RBL1: variants seen among roughly 807,000 people sequenced by gnomAD.
RBL1 encodes the protein RB transcriptional corepressor like 1.
A neutral mutation model predicts 123.0 loss-of-function variants in RBL1; 82 were observed. That is an observed-to-expected ratio of 0.67 (90% CI 0.56 to 0.80). RBL1 has a LOEUF of 0.80. Ranked by LOEUF, RBL1 falls within the 30% of genes least tolerant of loss-of-function variation. The probability of loss-of-function intolerance (pLI) is 0.00; values close to 1 mark genes in which losing one functional copy is unlikely to be tolerated. For synonymous variants in RBL1, 405 were observed against 441.3 expected, an observed-to-expected ratio of 0.92 and a Z score of 1.03; for missense variants, 1,171 against 1,299.6, an observed-to-expected ratio of 0.90 and a Z score of 1.52.
chr20:37,093,728 A>G (rs1471509401), intron 1 of RBL1, among the ~76,000 whole-genome samples: 1 of 147,950 alleles, frequency 6.8e-6, no homozygotes, highest in Admixed American at 6.9e-5. Context: ...TGCAACCTCT[A>G]CCTCCTGGTT....
At chr20:37,049,384 T>C in intron 11 of RBL1, 1 of 725,466 alleles carries the variant, frequency 1.4e-6, no homozygotes, top group Non-Finnish European at 2.5e-6. Context: ...CAAAGACTAA[T>C]ATTTGCTGGC....
intron 2 of RBL1, among the ~76,000 whole-genome samples, chr20:37,083,917 T>G (rs1171513430): frequency 4.0e-5 from 6 of 151,738 alleles, no homozygotes; most frequent in Non-Finnish European, 7.4e-5. Context: ...ATGGATTTTT[T>G]TTTTTTTTTG....
chr20:37,063,871 G>C (rs535234740), intron 7 of RBL1, among the ~76,000 whole-genome samples: 2 of 150,076 alleles, frequency 1.3e-5, no homozygotes, highest in Admixed American at 1.3e-4. Flanking sequence ...CAAGCAGGCT[G>C]AAGTGCAGTG....
intron 2 of RBL1, among the ~76,000 whole-genome samples, chr20:37,069,227 G>A (rs1183517196): frequency 1.3e-5 from 2 of 152,244 alleles, no homozygotes; most frequent in African/African-American, 4.8e-5. Context: ...GCCTCCCAAA[G>A]TGCCAAGATT....
At chr20:37,013,357 AGATGT>A (rs2146213341) in intron 19 of RBL1, among the ~76,000 whole-genome samples, 1 of 151,678 alleles carries the variant, frequency 6.6e-6, no homozygotes, top group African/African-American at 2.4e-5. Context: ...GGGCGGTGCA[AGATGT>A]GCTTTGTTAA....
At chr20:37,045,364 C>G (rs2064804839) in intron 12 of RBL1, among the ~76,000 whole-genome samples, 1 of 152,006 alleles carries the variant, frequency 6.6e-6, no homozygotes, top group Non-Finnish European at 1.5e-5. Flanking sequence ...CCTTGGCCTC[C>G]CAAAGTGCTG....
At chr20:37,083,528 T>C (rs1466653604) in intron 2 of RBL1, among the ~76,000 whole-genome samples, 3 of 149,324 alleles carry the variant, frequency 2.0e-5, no homozygotes, top group African/African-American at 7.4e-5. Flanking sequence ...GGCTCACACC[T>C]GTAATCCTAG....
intron 1 of RBL1, among the ~76,000 whole-genome samples, chr20:37,094,018 A>G (rs2065690186): frequency 6.6e-6 from 1 of 152,180 alleles, no homozygotes; most frequent in Non-Finnish European, 1.5e-5. Flanking sequence ...TGTCCTATTC[A>G]ACTCTGCCTA....
In RBL1 at chr20:37,022,900, C is replaced by T. The variant is rs2064366412; in HGVS notation, c.2383-74G>A. The T allele has an allele frequency of 3.3e-6, 4 of 1,223,936 alleles. No homozygotes were observed. The Admixed American group carries it at 6.9e-5, about 21-fold the overall frequency. 75.8% of individuals were successfully genotyped at this position (1,223,936 alleles called of 1,614,324 possible). On this transcript the variant is annotated intron_variant, in intron 16 of 21. Coordinates refer to ENST00000373664, the MANE Select transcript of RBL1 (RefSeq NM_002895.5). The stretch of plus-strand genomic sequence containing the variant: ...CTCAAATTTTTATGTCTTACCAAGA[C>T]CAAGATTAAAAAACATAGGCTGTTG...
rs549823203 is a variant in RBL1 at position 37,021,800 on chromosome 20, C to T, written c.2559+850G>A. 4 of 200,170 alleles carry T rather than the reference C, an allele frequency of 2.0e-5. No individual in the cohort carries two copies. The South Asian group carries it at 3.0e-4, about 15-fold the overall frequency. The allele number at this position is 200,170 out of a possible 1,614,324, so 12.4% of individuals were successfully genotyped here. The stretch of plus-strand genomic sequence containing the variant: ...TTCTGCAAATCAGCAAGATACACTT[C>T]AAACACATGACTCTTGAAGCTATCA... On this transcript the variant is annotated intron_variant, in intron 17 of 21. Transcript: ENST00000373664.
intron 6 of RBL1, 49 bp from the exon 7 acceptor site, chr20:37,065,522 T>C (rs2065164581): frequency 2.8e-5 from 34 of 1,236,166 alleles, no homozygotes; most frequent in Non-Finnish European, 3.8e-5. Flanking sequence ...AGCATATTAA[T>C]ACACACACAA....
At chr20:37,013,534 C>T (rs2064199618) in intron 19 of RBL1, among the ~76,000 whole-genome samples, 1 of 151,046 alleles carries the variant, frequency 6.6e-6, no homozygotes, top group African/African-American at 2.4e-5. Context: ...CCACTATTGT[C>T]CTATGACCCT....
Position 37,026,486 on chromosome 20 carries a change from A to G in RBL1, c.2383-3660T>C, listed in dbSNP as rs192366791. ...TTTGAGAGGCCAAGACGGGTGGATCACGAGGTCAGAAGTTCAAGATCAGCC... is the reference window on the plus strand; with the variant it reads ...TTTGAGAGGCCAAGACGGGTGGATCGCGAGGTCAGAAGTTCAAGATCAGCC... On this transcript the variant is annotated intron_variant, in intron 16 of 21. Transcript: ENST00000373664. 2.6e-5 allele frequency among the ~76,000 whole-genome samples: 4 copies of G among 151,460 alleles called. No homozygotes were observed. The East Asian group carries it at 5.9e-4, about 22-fold the overall frequency.
intron 19 of RBL1, among the ~76,000 whole-genome samples, chr20:37,012,808 C>G (rs1422157543): frequency 6.6e-6 from 1 of 151,088 alleles, no homozygotes; most frequent in Non-Finnish European, 1.5e-5. Flanking sequence ...GCCCCCTGCC[C>G]GGCCAGCCAC....
At chr20:37,022,404 G>A (rs759055722) in intron 17 of RBL1, among the ~76,000 whole-genome samples, 7 of 152,146 alleles carry the variant, frequency 4.6e-5, no homozygotes, top group Non-Finnish European at 8.8e-5. Context: ...TCGGCTCACT[G>A]CAGCCTTGGC....
intron 13 of RBL1, among the ~76,000 whole-genome samples, chr20:37,043,446 G>A (rs2064766862): frequency 1.3e-5 from 2 of 151,436 alleles, no homozygotes; most frequent in Non-Finnish European, 2.9e-5. Context: ...AGCCGAGACT[G>A]TGCCACTGCT....
At chr20:37,045,958 A>G (rs2064812183) in intron 12 of RBL1, among the ~76,000 whole-genome samples, 1 of 152,206 alleles carries the variant, frequency 6.6e-6, no homozygotes. Context: ...CATTAGTCTT[A>G]AAGTTCGATA....
chr20:37,002,120 C>A (rs187803772), intron 21 of RBL1, among the ~76,000 whole-genome samples: 3 of 151,964 alleles, frequency 2.0e-5, no homozygotes, highest in Non-Finnish European at 4.4e-5. Flanking sequence ...GCAAGCTCTG[C>A]CTCCTGGGCT....
At position 37,066,855 on chromosome 20, in the gene RBL1, A is replaced by T; in HGVS notation, c.715T>A (p.Phe239Ile). 6.2e-7 allele frequency: 1 copy of T among 1,614,028 alleles called. No homozygotes were observed. The highest frequency in any genetic ancestry group is 1.1e-5 in the South Asian group (1 of 91,050). ...GLPSDFHTAD[F>I]TASEEPPCII... is the part of the protein sequence containing the mutation. ...CAGGGTGGCTCTTCAGAAGCCGTAAAGTCAGCAGTATGAAAATCAGATGGT... is the reference window on the plus strand; with the variant it reads ...CAGGGTGGCTCTTCAGAAGCCGTAATGTCAGCAGTATGAAAATCAGATGGT... The change falls in exon 6 of 22, where the codon TTT becomes ATT. Residue 239 changes from phenylalanine (F) to isoleucine (I), a missense_variant. Coordinates refer to ENST00000373664, the MANE Select transcript of RBL1 (RefSeq NM_002895.5).
Sources: gnomAD v4.1 joint callset for allele counts (sites outside exome capture counted in the v4.1 genomes callset) on GRCh38, gnomAD v4.1.1 for gene constraint, MANE v1.5 for transcripts, NCBI Gene and HGNC (gene_info 2026-07-23, HGNC 2026-07-21) for gene names.